Variants in INSL6 observed in about 807,000 individuals in gnomAD.
INSL6 encodes insulin like 6, also known as insulin-like peptide INSL6.
In INSL6, 16 loss-of-function variants were observed where a neutral mutation model predicts 9.4. The observed-to-expected ratio is 1.70, with a 90% CI of 1.15 to 2.59. The LOEUF (loss-of-function observed/expected upper bound fraction) is 2.59, where lower values mean the gene tolerates loss of function less well. Ranked by LOEUF, INSL6 falls within the 30% of genes most tolerant of loss-of-function variation. The pLI is 0.00. For missense variants in INSL6, 391 were observed against 257.3 expected, an observed-to-expected ratio of 1.52 and a Z score of -3.56; for synonymous variants, 154 against 96.9, an observed-to-expected ratio of 1.59 and a Z score of -3.46.
chr9:5,040,971 T>C, the INSL6 span: 2 of 577,478 alleles, frequency 3.5e-6, no homozygotes, highest in South Asian at 1.6e-5. Context: ...CAAACAAATA[T>C]GTGGCTATCA....
At chr9:5,003,434 A>G in the INSL6 span, among the ~76,000 whole-genome samples, 150 of 152,090 alleles carry the variant, frequency 9.9e-4, no homozygotes, top group African/African-American at 3.4e-3. Context: ...GTTTTTACAG[A>G]TATTTCCATA....
At chr9:5,109,933 G>A in the INSL6 span, 6 of 152,180 alleles carry the variant, frequency 3.9e-5, no homozygotes, top group Non-Finnish European at 8.8e-5. Flanking sequence ...CTAACTGGCT[G>A]ACAATATGGC....
the INSL6 span, among the ~76,000 whole-genome samples, chr9:5,015,050 A>T: frequency 6.6e-6 from 1 of 152,120 alleles, no homozygotes; most frequent in Non-Finnish European, 1.5e-5. Flanking sequence ...AGTTTTCTAT[A>T]ATTTACTGCT....
At chr9:5,025,546 T>G in the INSL6 span, among the ~76,000 whole-genome samples, 3 of 151,614 alleles carry the variant, frequency 2.0e-5, no homozygotes, top group Admixed American at 6.6e-5. Context: ...TCCTTTTTTT[T>G]TTTTTGAGAC....
the INSL6 span, chr9:5,085,052 G>T: frequency 1.3e-6 from 1 of 757,690 alleles, no homozygotes; most frequent in South Asian, 1.3e-5. Context: ...CTCTTTCTGG[G>T]GATGAGAAGT....
chr9:5,111,954 TCCAGC>T, the INSL6 span: 1 of 348,446 alleles, frequency 2.9e-6, no homozygotes, highest in Non-Finnish European at 5.7e-6. Flanking sequence ...TAACTTGTGG[TCCAGC>T]CCCTCCACCG....
At chr9:5,161,732 G>A (rs1211694701), downstream of INSL6, among the ~76,000 whole-genome samples, 8 of 152,150 alleles carry the variant, frequency 5.3e-5, no homozygotes, top group African/African-American at 1.7e-4. Context: ...AAACAAATTC[G>A]GTAAAGTTGC....
the INSL6 span, among the ~76,000 whole-genome samples, chr9:5,105,242 A>G: frequency 1.1e-4 from 17 of 152,236 alleles, no homozygotes; most frequent in African/African-American, 4.1e-4. Flanking sequence ...TGCAAAAATC[A>G]CAAGCATTCC....
the INSL6 span, among the ~76,000 whole-genome samples, chr9:5,107,190 A>G: frequency 6.6e-6 from 1 of 152,132 alleles, no homozygotes; most frequent in African/African-American, 2.4e-5. Context: ...TTGACTTCCA[A>G]TCAACTAGTT....
chr9:5,037,598 A>G, the INSL6 span, among the ~76,000 whole-genome samples: 2 of 152,302 alleles, frequency 1.3e-5, no homozygotes, highest in East Asian at 1.9e-4. Context: ...TCAGCAAACT[A>G]TCGCAAGGAC....
the INSL6 span, among the ~76,000 whole-genome samples, chr9:5,007,141 T>A: frequency 1.3e-5 from 2 of 152,146 alleles, no homozygotes; most frequent in Admixed American, 6.5e-5. Context: ...TTAAGTACTT[T>A]CATTTTTATG....
In INSL6 at chr9:5,185,540, A is replaced by T. The variant is rs139449042; in HGVS notation, c.63T>A (p.Arg21=). 691 of 1,614,110 alleles carry T rather than the reference A, an allele frequency of 4.3e-4. 5 individuals carry two copies. The African/African-American group carries it at 7.2e-3, about 17-fold the overall frequency. The change falls in exon 1 of 2, where the codon CGT becomes CGA. Residue 21 remains arginine, a synonymous_variant. Coordinates refer to ENST00000381641, the MANE Select transcript of INSL6 (RefSeq NM_007179.3). The part of the protein sequence containing the change: ...WLGLLLVRFS[R]ELSDISSARK... ...TGGCACTGCTGATGTCGCTCAGTTC[A>T]CGAGAAAACCGAACCAGCAGGAGTC... is the stretch of plus-strand genomic sequence containing the variant.
At chr9:5,086,125 C>T in the INSL6 span, 79 of 417,336 alleles carry the variant, frequency 1.9e-4, 1 homozygote, top group Non-Finnish European at 9.1e-5. Flanking sequence ...GGCAGCGGCG[C>T]GCGGCCCCGG....
At chr9:5,087,035 G>GA in the INSL6 span, among the ~76,000 whole-genome samples, 1 of 151,886 alleles carries the variant, frequency 6.6e-6, no homozygotes, top group Non-Finnish European at 1.5e-5. Flanking sequence ...AACACTAAAA[G>GA]AAAAAAATCA....
At chr9:5,132,457 T>C (rs1166676927) in intron 3 of INSL6, among the ~76,000 whole-genome samples, 1 of 152,166 alleles carries the variant, frequency 6.6e-6, no homozygotes, top group Non-Finnish European at 1.5e-5. Context: ...AAAAATACCT[T>C]GGTTCTAGTA....
At chr9:5,159,657 A>G (rs139954409), downstream of INSL6, among the ~76,000 whole-genome samples, 7 of 152,318 alleles carry the variant, frequency 4.6e-5, no homozygotes, top group Non-Finnish European at 7.4e-5. Context: ...TAAAGCAAAC[A>G]TTGTTGGAGC....
the INSL6 span, among the ~76,000 whole-genome samples, chr9:5,063,104 T>C: frequency 1.3e-5 from 2 of 152,198 alleles, no homozygotes; most frequent in Admixed American, 6.5e-5. Context: ...CTCTTTATTA[T>C]AATTTTTGGT....
intron 2 of INSL6, among the ~76,000 whole-genome samples, chr9:5,135,351 G>T (rs1210910951): frequency 6.7e-6 from 1 of 149,244 alleles, no homozygotes; most frequent in African/African-American, 2.4e-5. Flanking sequence ...GACATCTACA[G>T]AACTCTGCAC....
intron 1 of INSL6, among the ~76,000 whole-genome samples, chr9:5,178,278 C>G (rs1286781957): frequency 6.6e-6 from 1 of 152,086 alleles, no homozygotes; most frequent in East Asian, 1.9e-4. Flanking sequence ...GAGCTGTGAT[C>G]TCTCCCTAGG....
Sources: gnomAD v4.1 joint callset for allele counts (sites outside exome capture counted in the v4.1 genomes callset) on GRCh38, gnomAD v4.1.1 for gene constraint, MANE v1.5 for transcripts, NCBI Gene and HGNC (gene_info 2026-07-23, HGNC 2026-07-21) for gene names.